PAK2: variants seen among roughly 807,000 people sequenced by gnomAD.
The protein encoded by PAK2 is p21 (RAC1) activated kinase 2.
Under a neutral mutation model 65.9 loss-of-function variants are expected in PAK2, and 21 were observed. That is an observed-to-expected ratio of 0.32 (90% CI 0.23 to 0.46). The LOEUF (loss-of-function observed/expected upper bound fraction) is 0.46, where lower values mean the gene tolerates loss of function less well. PAK2 is among the 20% of genes least tolerant of loss of function. The pLI, the probability that PAK2 is intolerant of heterozygous loss-of-function variation, is 1.00. For synonymous variants in PAK2, 204 were observed against 219.7 expected (o/e 0.93, Z 0.63); for missense variants, 324 against 642.6 (o/e 0.50, Z 5.36).
At chr3:196,775,913 G>C (rs1411127737) in intron 1 of PAK2, among the ~76,000 whole-genome samples, 3 of 152,186 alleles carry the variant, frequency 2.0e-5, no homozygotes, top group African/African-American at 7.2e-5. Flanking sequence ...AAATCTAGCT[G>C]TTGCTTATTT....
At chr3:196,810,547 C>T in intron 7 of PAK2, 43 bp from the exon 8 acceptor site, 2 of 1,034,486 alleles carry the variant, frequency 1.9e-6, no homozygotes, top group Non-Finnish European at 3.0e-6. Context: ...TCAATTTACA[C>T]TTAAAATGCT....
intron 2 of PAK2, among the ~76,000 whole-genome samples, chr3:196,795,732 T>G (rs1715238666): frequency 6.6e-6 from 1 of 152,184 alleles, no homozygotes; most frequent in Admixed American, 6.6e-5. Flanking sequence ...GCGTAAAAGC[T>G]GAACGAGTGT....
intron 1 of PAK2, among the ~76,000 whole-genome samples, chr3:196,765,143 C>CTTT (rs58406576): frequency 2.0e-5 from 2 of 98,866 alleles, no homozygotes; most frequent in African/African-American, 8.2e-5. Context: ...CGTGCCCGGC[C>CTTT]TTTTTTTTTT....
At chr3:196,781,683 C>G (rs1714719739) in intron 1 of PAK2, among the ~76,000 whole-genome samples, 2 of 152,326 alleles carry the variant, frequency 1.3e-5, no homozygotes, top group South Asian at 4.1e-4. Context: ...TTCAAGATTC[C>G]TTGGCCAGGC....
intron 1 of PAK2, among the ~76,000 whole-genome samples, chr3:196,778,113 T>C (rs1252629747): frequency 6.6e-6 from 1 of 152,220 alleles, no homozygotes; most frequent in East Asian, 1.9e-4. Flanking sequence ...TCTGTCTCTG[T>C]GGATGCCCCT....
chr3:196,779,601 C>T (rs1714642092), intron 1 of PAK2, among the ~76,000 whole-genome samples: 1 of 152,170 alleles, frequency 6.6e-6, no homozygotes, highest in South Asian at 2.1e-4. Context: ...CACATTCCAT[C>T]TATGTGGGAG....
In PAK2 at chr3:196,775,391, T is replaced by A. The variant is rs191710013; in HGVS notation, c.-21-7235T>A. Among the ~76,000 whole-genome samples the A allele has an allele frequency of 4.9e-3, 746 of 151,780 alleles. 1 individual carries two copies. The highest frequency in any genetic ancestry group is 0.017 in the African/African-American group (707 of 41,534). On this transcript the variant is annotated intron_variant, in intron 1 of 14. Coordinates refer to ENST00000327134, the MANE Select transcript of PAK2 (RefSeq NM_002577.4). ...ACAGTAGAAAAAATATTTATTTATTTATTTTTTTTGAGACGGAATCTCACT... is the reference window on the plus strand; with the variant it reads ...ACAGTAGAAAAAATATTTATTTATTAATTTTTTTTGAGACGGAATCTCACT...
chr3:196,742,730 C>T (rs998103847), intron 1 of PAK2, among the ~76,000 whole-genome samples: 5 of 151,934 alleles, frequency 3.3e-5, no homozygotes, highest in Admixed American at 6.6e-5. Flanking sequence ...CTGGCTAACA[C>T]AGTGAAACCC....
Position 196,832,483 on chromosome 3 carries a change from A to C in PAK2, c.*4078A>C, listed in dbSNP as rs1248120893. On this transcript the variant is annotated 3_prime_UTR_variant, in exon 15 of 15. Coordinates refer to ENST00000327134, the MANE Select transcript of PAK2 (RefSeq NM_002577.4). Reference sequence around the variant, plus strand: ...TTCAGGGCTAGAAATAAACTTTTTAAAAAAAGTGTGCATTTTTCCCTTTCC... The same window carrying C: ...TTCAGGGCTAGAAATAAACTTTTTACAAAAAGTGTGCATTTTTCCCTTTCC... The C allele has an allele frequency of 1.3e-5, 2 of 152,104 alleles. No homozygotes were observed. The highest frequency in any genetic ancestry group is 2.9e-5 in the Non-Finnish European group (2 of 68,024). 9.4% of individuals were successfully genotyped at this position (152,104 alleles called of 1,614,324 possible).
At chr3:196,790,613 C>T (rs899028471) in intron 2 of PAK2, among the ~76,000 whole-genome samples, 6 of 152,052 alleles carry the variant, frequency 3.9e-5, no homozygotes, top group African/African-American at 9.7e-5. Context: ...TGTAGGGGTC[C>T]GTCCCGCAGA....
chr3:196,757,750 T>C (rs1713817553), intron 1 of PAK2, among the ~76,000 whole-genome samples: 1 of 152,170 alleles, frequency 6.6e-6, no homozygotes, highest in South Asian at 2.1e-4. Flanking sequence ...TATGTTCCTG[T>C]TGCCTGGAAT....
chr3:196,795,746 G>A (rs1025434789), intron 2 of PAK2, among the ~76,000 whole-genome samples: 3 of 152,120 alleles, frequency 2.0e-5, no homozygotes, highest in African/African-American at 4.8e-5. Flanking sequence ...CGAGTGTATC[G>A]TCAGCAGACA....
intron 2 of PAK2, among the ~76,000 whole-genome samples, chr3:196,796,827 A>G (rs1181522400): frequency 6.6e-6 from 1 of 152,244 alleles, no homozygotes; most frequent in Non-Finnish European, 1.5e-5. Flanking sequence ...AAAAAATACT[A>G]TCAGTGATAA....
chr3:196,759,588 G>A (rs938414300), intron 1 of PAK2, among the ~76,000 whole-genome samples: 1 of 138,468 alleles, frequency 7.2e-6, no homozygotes, highest in South Asian at 2.3e-4. Context: ...GTACAGTGGC[G>A]TGATCTCGGC....
chr3:196,740,393 G>T (rs942819920), intron 1 of PAK2, among the ~76,000 whole-genome samples: 5 of 152,148 alleles, frequency 3.3e-5, no homozygotes, highest in East Asian at 1.9e-4. Context: ...TCGCTGGGCT[G>T]CGGAGGTCTG....
intron 1 of PAK2, among the ~76,000 whole-genome samples, chr3:196,759,786 A>G (rs2108718700): frequency 6.6e-6 from 1 of 152,036 alleles, no homozygotes; most frequent in South Asian, 2.1e-4. Flanking sequence ...CAGCCTCCCA[A>G]AGTGCCGGGA....
chr3:196,797,741 A>G (rs1458833530), intron 2 of PAK2, among the ~76,000 whole-genome samples: 1 of 151,916 alleles, frequency 6.6e-6, no homozygotes, highest in Non-Finnish European at 1.5e-5. Flanking sequence ...ACAAAGCAAG[A>G]CTCTGTCTCA....
rs1714380165 is a variant in PAK2 at position 196,772,148 on chromosome 3, G to T, written c.-21-10478G>T. The stretch of plus-strand genomic sequence containing the variant: ...TTTTCAAAATGCTAAAGGTTCTCTT[G>T]TTCCTTTCTGTCCAGAGGGATTTAT... On this transcript the variant is annotated intron_variant, in intron 1 of 14. Coordinates refer to ENST00000327134, the MANE Select transcript of PAK2 (RefSeq NM_002577.4). Among the ~76,000 whole-genome samples the T allele has an allele frequency of 2.0e-5, 3 of 152,020 alleles. No individual in the cohort carries two copies. In the South Asian group the frequency reaches 6.2e-4, roughly 31 times the overall value.
intron 1 of PAK2, among the ~76,000 whole-genome samples, chr3:196,745,339 G>T (rs1713340940): frequency 1.4e-5 from 2 of 143,512 alleles, no homozygotes; most frequent in South Asian, 2.2e-4. Flanking sequence ...GGCCAGGCTG[G>T]TCTCAAACTC....
Sources: allele counts gnomAD v4.1 joint callset (sites outside exome capture counted in the v4.1 genomes callset), GRCh38; gene constraint gnomAD v4.1.1; transcripts MANE v1.5; gene names NCBI Gene and HGNC (gene_info 2026-07-23, HGNC 2026-07-21).